Variants in OVGP1 observed in about 807,000 individuals in gnomAD.
The protein encoded by OVGP1 is oviductal glycoprotein 1.
Under a neutral mutation model 48.2 loss-of-function variants are expected in OVGP1, and 26 were observed. The ratio of observed to expected loss-of-function variants is 0.54; its 90% CI spans 0.40 to 0.75. The LOEUF is 0.75. OVGP1 is among the 30% of genes least tolerant of loss of function. OVGP1 has a pLI of 0.00. For synonymous variants in OVGP1, 294 were observed against 305.7 expected, an observed-to-expected ratio of 0.96 and a Z score of 0.40; for missense variants, 791 against 820.6, an observed-to-expected ratio of 0.96 and a Z score of 0.44.
intron 4 of OVGP1, among the ~76,000 whole-genome samples, chr1:111,424,111 C>G (rs1190445089): frequency 2.6e-5 from 4 of 152,318 alleles, no homozygotes; most frequent in South Asian, 2.1e-4. Context: ...TTCCCACAAC[C>G]TGTCCTAGCA....
intron 3 of OVGP1, chr1:111,425,640 C>T: frequency 1.0e-6 from 1 of 997,964 alleles, no homozygotes; most frequent in Non-Finnish European, 1.4e-6. Flanking sequence ...AACAATCAAC[C>T]CAAGGGCCAT....
intron 5 of OVGP1, among the ~76,000 whole-genome samples, chr1:111,423,308 G>A (rs1413871039): frequency 1.3e-5 from 2 of 152,202 alleles, no homozygotes; most frequent in Non-Finnish European, 2.9e-5. Flanking sequence ...GGGAGTGCAG[G>A]GAGCTGCAGA....
chr1:111,426,971 G>C, intron 2 of OVGP1, 91 bp downstream of exon 2: 11 of 1,606,476 alleles, frequency 6.8e-6, no homozygotes, highest in Non-Finnish European at 9.4e-6. Flanking sequence ...GAGAAGCCAG[G>C]GCAAGGTGGG....
chr1:111,414,860 C>A lies in OVGP1; in HGVS notation c.1641G>T (p.Met547Ile). 6.3e-7 allele frequency: 1 copy of A among 1,595,442 alleles called. No homozygotes were observed. Among genetic ancestry groups the A allele is most frequent in the Non-Finnish European group, 8.6e-7 (1 of 1,166,974 alleles). ...TCTCAGTCTGAAAATGGACAGGGGT[C>A]ATAGTCGTTCCTCCAGGGCTCACAG... is the stretch of plus-strand genomic sequence containing the variant. ...HQSVSPGGTT[M>I]TPVHFQTETL... Residue 547 changes from methionine to isoleucine, a missense_variant, in exon 11 of 11, where the codon ATG becomes ATT. Met to Ile is a conservative substitution (Grantham distance 10). Transcript: ENST00000369732.
chr1:111,420,153 C>A (rs1652228887), intron 8 of OVGP1, among the ~76,000 whole-genome samples: 1 of 152,222 alleles, frequency 6.6e-6, no homozygotes, highest in African/African-American at 2.4e-5. Context: ...AGCACCTGAA[C>A]TTCTAGTAGA....
intron 2 of OVGP1, 168 bp from the exon 3 acceptor site, chr1:111,426,809 C>T (rs1223159621): frequency 6.5e-7 from 1 of 1,547,364 alleles, no homozygotes; most frequent in African/African-American, 1.4e-5. Flanking sequence ...TATTCCTCCC[C>T]CACTGCTGAG....
chr1:111,414,354 T>C lies in OVGP1; in HGVS notation c.*110A>G. 1 of 845,338 alleles carries C rather than the reference T, an allele frequency of 1.2e-6. No homozygotes were observed. Among genetic ancestry groups the C allele is most frequent in the South Asian group, 1.9e-5 (1 of 53,652 alleles). 52.4% of individuals were successfully genotyped at this position (845,338 alleles called of 1,614,324 possible). A position where few individuals can be genotyped will look rare whatever the true frequency, so the allele number is the denominator to read the frequency against. ...TACAGTTTATTTAATGGAAAAGAGATTGGCCTATTCTGGTTTTGATGCCTG... is the reference window on the plus strand; with the variant it reads ...TACAGTTTATTTAATGGAAAAGAGACTGGCCTATTCTGGTTTTGATGCCTG... On this transcript the variant is annotated 3_prime_UTR_variant, in exon 11 of 11. Coordinates refer to ENST00000369732, the MANE Select transcript of OVGP1 (RefSeq NM_002557.4).
rs1273244186 is a variant in OVGP1 at position 111,415,006 on chromosome 1, G to C, written c.1495C>G (p.His499Asp). 6.2e-7 allele frequency: 1 copy of C among 1,610,584 alleles called. No homozygotes were observed. Among genetic ancestry groups the C allele is most frequent in the Non-Finnish European group, 8.5e-7 (1 of 1,177,526 alleles). Reference sequence around the variant, plus strand: ...TTCTGTCCAGTGGTCACAGATTGATGACCCACAGGGGTCAGGGCCTTCTCT... The same window carrying C: ...TTCTGTCCAGTGGTCACAGATTGATCACCCACAGGGGTCAGGGCCTTCTCT... ...PGEKALTPVG[H>D]QSVTTGQKTL... The change falls in exon 11 of 11, where the codon CAT becomes GAT. Residue 499 changes from histidine (H) to aspartate (D), a missense_variant. His to Asp is a moderately conservative substitution (Grantham distance 81). Coordinates refer to ENST00000369732, the MANE Select transcript of OVGP1 (RefSeq NM_002557.4).
intron 10 of OVGP1, among the ~76,000 whole-genome samples, chr1:111,415,902 C>T (rs1652124572): frequency 6.6e-6 from 1 of 152,166 alleles, no homozygotes; most frequent in African/African-American, 2.4e-5. Flanking sequence ...GGATGCTTCA[C>T]CTCTTGCATG....
intron 8 of OVGP1, 49 bp downstream of exon 8, chr1:111,421,227 G>T: frequency 1.3e-6 from 2 of 1,518,640 alleles, no homozygotes; most frequent in Non-Finnish European, 1.8e-6. Flanking sequence ...TGCTCCAGCT[G>T]GGGGTGGGAG....
intron 7 of OVGP1, 46 bp from the exon 8 acceptor site, chr1:111,421,507 A>G (rs1456742621): frequency 1.4e-5 from 23 of 1,609,310 alleles, no homozygotes; most frequent in Non-Finnish European, 1.9e-5. Context: ...CTAAGAGCCA[A>G]TGGCCTGAGC....
At chr1:111,415,480 C>A in intron 10 of OVGP1, 136 bp from the exon 11 acceptor site, 2 of 744,652 alleles carry the variant, frequency 2.7e-6, no homozygotes, top group Non-Finnish European at 2.1e-6. Context: ...TCATACTATA[C>A]CTACTTGAGG....
Position 111,415,260 on chromosome 1 carries a change from G to A in OVGP1, c.1241C>T (p.Thr414Ile), listed in dbSNP as rs758007086. ...SSTDPERLAV[T>I]TAWTTDSKIL... is the part of the protein sequence containing the mutation. ...CTTACTATCAGTGGTCCATGCCGTG[G>A]TCACAGCCAGCCTTTCAGGGTCAGT... The change falls in exon 11 of 11, where the codon ACC becomes ATC. Residue 414 changes from threonine to isoleucine, a missense_variant. Physicochemically the swap from Thr to Ile is moderately conservative, Grantham distance 89 (BLOSUM62 -1). Coordinates refer to ENST00000369732, the MANE Select transcript of OVGP1 (RefSeq NM_002557.4). 6.2e-7 allele frequency: 1 copy of A among 1,614,196 alleles called. No homozygotes were observed. The highest frequency in any genetic ancestry group is 1.1e-5 in the South Asian group (1 of 91,086).
intron 2 of OVGP1, 130 bp from the exon 3 acceptor site, chr1:111,426,771 A>G (rs1652410575): frequency 6.5e-7 from 1 of 1,548,792 alleles, no homozygotes; most frequent in Non-Finnish European, 8.7e-7. Flanking sequence ...CTGGCCCTGA[A>G]GTACACCTCA....
chr1:111,427,055 TC>T lies in OVGP1; in HGVS notation c.55+6del. 1 of 1,614,066 alleles carries T rather than the reference TC, an allele frequency of 6.2e-7. No homozygotes were observed. The highest frequency in any genetic ancestry group is 8.5e-7 in the Non-Finnish European group (1 of 1,179,980). On this transcript the variant is annotated splice_donor_region_variant and intron_variant, in intron 2 of 10. Transcript: ENST00000369732. ...TGGCTCTGGAAGGGAAAACACAGTT[TC>T]CTTACCATCGTGGTGTTTCAGCACA...
At chr1:111,420,317 C>T (rs1652234985) in intron 8 of OVGP1, among the ~76,000 whole-genome samples, 1 of 152,190 alleles carries the variant, frequency 6.6e-6, no homozygotes, top group Admixed American at 6.5e-5. Context: ...TAAGCCATTC[C>T]TTTTCTCCTT....
At chr1:111,424,521 G>A (rs1020176961) in intron 4 of OVGP1, among the ~76,000 whole-genome samples, 12 of 152,216 alleles carry the variant, frequency 7.9e-5, no homozygotes, top group African/African-American at 2.9e-4. Context: ...CTTAATAACT[G>A]TGACTTGTGC....
intron 2 of OVGP1, 63 bp from the exon 3 acceptor site, chr1:111,426,704 A>G: frequency 6.4e-7 from 1 of 1,574,332 alleles, no homozygotes; most frequent in Non-Finnish European, 8.6e-7. Flanking sequence ...CTCAGCTTCC[A>G]GAAAGCAATG....
intron 5 of OVGP1, 92 bp downstream of exon 5, chr1:111,423,450 CT>C: frequency 2.2e-6 from 3 of 1,341,854 alleles, no homozygotes; most frequent in Non-Finnish European, 3.1e-6. Flanking sequence ...TCTTCTGCCC[CT>C]GGCCCTGGAC....
Sources: gnomAD v4.1 joint callset for allele counts (sites outside exome capture counted in the v4.1 genomes callset) on GRCh38, gnomAD v4.1.1 for gene constraint, MANE v1.5 for transcripts, NCBI Gene and HGNC (gene_info 2026-07-23, HGNC 2026-07-21) for gene names.